Variants in ALPK1 observed in about 807,000 individuals in gnomAD.
ALPK1 encodes alpha-protein kinase 1.
Under a neutral mutation model 120.6 loss-of-function variants are expected in ALPK1, and 110 were observed. The ratio of observed to expected loss-of-function variants is 0.91; its 90% CI spans 0.78 to 1.07. The LOEUF (loss-of-function observed/expected upper bound fraction) is 1.07. Ranked by LOEUF, ALPK1 falls within the 50% of genes least tolerant of loss-of-function variation. ALPK1 has a pLI of 0.00. For missense variants in ALPK1, 1,498 were observed against 1,483.9 expected, an observed-to-expected ratio of 1.01 and a Z score of -0.16; for synonymous variants, 582 against 560.3, an observed-to-expected ratio of 1.04 and a Z score of -0.55.
intron 2 of ALPK1, among the ~76,000 whole-genome samples, chr4:112,321,219 A>G (rs1728856666): frequency 6.6e-6 from 1 of 151,834 alleles, no homozygotes; most frequent in South Asian, 2.1e-4. Context: ...TTCTTTTCTA[A>G]TTGAGCTTAC....
chr4:112,311,979 G>A (rs1728425177), intron 1 of ALPK1, among the ~76,000 whole-genome samples: 1 of 149,644 alleles, frequency 6.7e-6, no homozygotes, highest in African/African-American at 2.5e-5. Flanking sequence ...GGGGGTCACA[G>A]TGTTTTTTTT....
chr4:112,313,055 C>T, intron 1 of ALPK1, among the ~76,000 whole-genome samples: 1 of 152,170 alleles, frequency 6.6e-6, no homozygotes, highest in East Asian at 1.9e-4. Context: ...AAAGGCCAAC[C>T]AGGGGTTCAA....
rs1344736398 is a variant in ALPK1, at chr4:112,429,855, GA to G, written c.901-589del. ...ACCCTACCTCAAAAAAAAAAAAAAA[GA>G]AAAGAAAAGAGAAAAAGAAAAAGAA... On this transcript the variant is annotated intron_variant, in intron 10 of 15. Coordinates refer to ENST00000650871, the MANE Select transcript of ALPK1 (RefSeq NM_025144.4). 1.7e-3 allele frequency among the ~76,000 whole-genome samples: 73 copies of G among 42,880 alleles called. 1 individual carries two copies. In the South Asian group the frequency reaches 0.025, roughly 15 times the overall value. 28.1% of individuals were successfully genotyped at this position (42,880 alleles called of 152,430 possible). A position where few individuals can be genotyped will look rare whatever the true frequency, so the allele number is the denominator to read the frequency against.
intron 4 of ALPK1, among the ~76,000 whole-genome samples, chr4:112,389,449 T>G (rs1225958985): frequency 6.6e-6 from 1 of 152,248 alleles, no homozygotes; most frequent in African/African-American, 2.4e-5. Context: ...CCTCTGGATC[T>G]TGTCATGATC....
At chr4:112,419,637 A>G (rs1733901496) in intron 5 of ALPK1, among the ~76,000 whole-genome samples, 1 of 152,182 alleles carries the variant, frequency 6.6e-6, no homozygotes, top group South Asian at 2.1e-4. Context: ...TGCAGATATT[A>G]TTTCATGCTA....
intron 2 of ALPK1, chr4:112,352,995 G>T (rs575466713): frequency 1.0e-5 from 1 of 96,426 alleles, no homozygotes; most frequent in African/African-American, 3.9e-5. Context: ...TTTTGAGATA[G>T]GGTCTCATTC....
chr4:112,356,362 G>A (rs1730612140), intron 2 of ALPK1: 2 of 843,264 alleles, frequency 2.4e-6, no homozygotes, highest in Middle Eastern at 2.8e-4. Flanking sequence ...GGGTGCAAGG[G>A]GAGCTTCTCT....
Position 112,377,827 on chromosome 4 carries a change from T to C in ALPK1, c.50T>C (p.Val17Ala). The change falls in exon 3 of 16, where the codon GTG becomes GCG. Residue 17 changes from valine to alanine, a missense_variant. Coordinates refer to ENST00000650871, the MANE Select transcript of ALPK1 (RefSeq NM_025144.4). ...VAVLLQECKQ[V>A]LDQLLLEAPD... ...GTGCTACTGCAAGAGTGCAAGCAAG[T>C]GCTGGATCAGCTCTTGTTGGAAGCG... 6.2e-7 allele frequency: 1 copy of C among 1,613,694 alleles called. No homozygotes were observed. The highest frequency in any genetic ancestry group is 8.5e-7 in the Non-Finnish European group (1 of 1,179,766).
chr4:112,424,146 A>G, intron 6 of ALPK1, 143 bp downstream of exon 6: 1 of 690,690 alleles, frequency 1.4e-6, no homozygotes. Context: ...CTGATGAATG[A>G]AGAAGCTTTG....
chr4:112,374,778 C>G (rs1159100923), intron 2 of ALPK1, among the ~76,000 whole-genome samples: 1 of 152,210 alleles, frequency 6.6e-6, no homozygotes, highest in African/African-American at 2.4e-5. Context: ...TGACCAGGTA[C>G]ACTGTCAATG....
chr4:112,411,775 C>T (rs2148749116), intron 4 of ALPK1, 52 bp from the exon 5 acceptor site: 1 of 1,545,932 alleles, frequency 6.5e-7, no homozygotes, highest in East Asian at 2.4e-5. Flanking sequence ...GCCTGGCCCT[C>T]AGCCTGCCAG....
chr4:112,302,138 C>A (rs1054158957), intron 1 of ALPK1, among the ~76,000 whole-genome samples: 1 of 152,154 alleles, frequency 6.6e-6, no homozygotes, highest in Non-Finnish European at 1.5e-5. Context: ...TCTGTCAAGA[C>A]CTCTAGGTGC....
chr4:112,359,700 T>C, intron 2 of ALPK1: 2 of 239,184 alleles, frequency 8.4e-6, no homozygotes, highest in South Asian at 5.0e-5. Flanking sequence ...GCGAAGCCAG[T>C]CCCCTGGACT....
chr4:112,313,617 G>A (rs561928895), intron 1 of ALPK1, among the ~76,000 whole-genome samples: 15 of 152,296 alleles, frequency 9.8e-5, no homozygotes, highest in African/African-American at 2.9e-4. Flanking sequence ...CAGCTACTTG[G>A]GAGGCTGAGG....
At chr4:112,407,612 T>C (rs1375833195) in intron 4 of ALPK1, among the ~76,000 whole-genome samples, 1 of 152,228 alleles carries the variant, frequency 6.6e-6, no homozygotes, top group East Asian at 1.9e-4. Context: ...TTTTCTCGTT[T>C]AGATTTTAGA....
intron 2 of ALPK1, chr4:112,343,470 C>G (rs896227895): frequency 6.6e-6 from 1 of 152,000 alleles, no homozygotes; most frequent in African/African-American, 2.4e-5. Flanking sequence ...CAGCCTGCCT[C>G]GGAAGAGACA....
rs1054311508 is a variant in ALPK1, at chr4:112,441,802, C to T, written c.*592C>T. 6.6e-6 allele frequency: 1 copy of T among 152,494 alleles called. No individual in the cohort carries two copies. The highest frequency in any genetic ancestry group is 2.4e-5 in the African/African-American group (1 of 41,380). The allele number at this position is 152,494 out of a possible 1,614,324, so 9.4% of individuals were successfully genotyped here. A position where few individuals can be genotyped will look rare whatever the true frequency, so the allele number is the denominator to read the frequency against. On this transcript the variant is annotated 3_prime_UTR_variant, in exon 16 of 16. Coordinates refer to ENST00000650871, the MANE Select transcript of ALPK1 (RefSeq NM_025144.4). The stretch of plus-strand genomic sequence containing the variant: ...GTATTTCCTTCTAGTATAATTAAAT[C>T]TGTAAAAAGTAAGATGGAAGAGTGG...
intron 10 of ALPK1, 118 bp from the exon 11 acceptor site, chr4:112,430,330 C>T: frequency 2.0e-6 from 2 of 994,812 alleles, no homozygotes; most frequent in South Asian, 3.5e-5. Flanking sequence ...ATGTATGTGG[C>T]ATGTGTTCAT....
At chr4:112,415,634 C>CA (rs35692183) in intron 5 of ALPK1, among the ~76,000 whole-genome samples, 30,366 of 126,048 alleles carry the variant, frequency 0.24, 3,279 homozygotes, top group Middle Eastern at 0.29. Context: ...GACTCTGTCT[C>CA]AAAAAAAAAA....
Sources: allele counts gnomAD v4.1 joint callset (sites outside exome capture counted in the v4.1 genomes callset), GRCh38; gene constraint gnomAD v4.1.1; transcripts MANE v1.5; gene names NCBI Gene and HGNC (gene_info 2026-07-23, HGNC 2026-07-21).